Variants in R3HDM2 observed in about 807,000 individuals in gnomAD.
The protein encoded by R3HDM2 is R3H domain-containing protein 2.
Under a neutral mutation model 124.5 loss-of-function variants are expected in R3HDM2, and 38 were observed. The observed-to-expected ratio is 0.31, with a 90% CI of 0.24 to 0.40. The LOEUF (loss-of-function observed/expected upper bound fraction) is 0.40. Ranked by LOEUF, R3HDM2 falls within the 10% of genes least tolerant of loss-of-function variation. R3HDM2 has a pLI of 1.00. For synonymous variants in R3HDM2, 391 were observed against 448.0 expected (o/e 0.87, Z 1.61); for missense variants, 869 against 1,236.9 (o/e 0.70, Z 4.46).
chr12:57,273,293 C>T (rs2043986271), intron 14 of R3HDM2, among the ~76,000 whole-genome samples: 1 of 151,134 alleles, frequency 6.6e-6, no homozygotes, highest in Non-Finnish European at 1.5e-5. Flanking sequence ...CCCTTCAGTC[C>T]CCCTTCACTA....
At chr12:57,339,277 G>GT (rs1031399100) in intron 2 of R3HDM2, among the ~76,000 whole-genome samples, 28 of 152,244 alleles carry the variant, frequency 1.8e-4, no homozygotes, top group Admixed American at 1.7e-3. Flanking sequence ...GATTACAGGT[G>GT]TAAGCCACTA....
At position 57,429,224 on chromosome 12, in the gene R3HDM2, G is replaced by GA. The variant is rs140816019; in HGVS notation, c.-106+1495dup. Among the ~76,000 whole-genome samples, 1,050 of 148,916 alleles carry GA rather than the reference G, an allele frequency of 7.1e-3. 19 individuals are homozygous for GA. In the East Asian group the frequency reaches 0.074, roughly 10 times the overall value. On this transcript the variant is annotated intron_variant, in intron 1 of 23. Transcript: ENST00000402412. ...CAACATAGCAAGATCCCATCCCTAC[G>GA]AAAAAAAAATTGTGAAGCTCTACTA...
At position 57,296,962 on chromosome 12, in the gene R3HDM2, C is replaced by G; in HGVS notation, c.560+366G>C. ...TCCCAGCTACTCAATGGCTGAGGCA[C>G]AAGAATCACTTGAACCCAGGAGGCA... On this transcript the variant is annotated intron_variant, in intron 8 of 23. Coordinates refer to ENST00000402412, the MANE Select transcript of R3HDM2 (RefSeq NM_001394031.1). This position sits in a 1 kb window ranked among gnomAD's most constrained non-coding sequence, Gnocchi z 4.5. 2 of 218,110 alleles carry G rather than the reference C, an allele frequency of 9.2e-6. No homozygotes were observed. Among genetic ancestry groups the G allele is most frequent in the Non-Finnish European group, 1.8e-5 (2 of 110,056 alleles). 13.5% of individuals were successfully genotyped at this position (218,110 alleles called of 1,614,324 possible). A position where few individuals can be genotyped will look rare whatever the true frequency, so the allele number is the denominator to read the frequency against.
chr12:57,400,253 T>TA (rs981345419), intron 1 of R3HDM2, among the ~76,000 whole-genome samples: 3 of 152,032 alleles, frequency 2.0e-5, no homozygotes, highest in African/African-American at 7.2e-5. Flanking sequence ...TATGCAGCCA[T>TA]AAAAAAATGA....
At chr12:57,331,310 C>G (rs1762171678) in intron 2 of R3HDM2, among the ~76,000 whole-genome samples, 1 of 152,184 alleles carries the variant, frequency 6.6e-6, no homozygotes, top group African/African-American at 2.4e-5. Context: ...AAATGATCTA[C>G]AAGACCTTAA....
intron 2 of R3HDM2, among the ~76,000 whole-genome samples, chr12:57,321,476 C>T (rs1323725883): frequency 3.3e-5 from 5 of 151,990 alleles, no homozygotes; most frequent in Admixed American, 2.0e-4. Flanking sequence ...CATGGTGAAA[C>T]CCCGTCTCTA....
chr12:57,338,447 A>G (rs1235300892), intron 2 of R3HDM2, among the ~76,000 whole-genome samples: 1 of 152,224 alleles, frequency 6.6e-6, no homozygotes, highest in East Asian at 1.9e-4. Flanking sequence ...CTTTGTTTCC[A>G]TATTAGTACA....
intron 11 of R3HDM2, among the ~76,000 whole-genome samples, chr12:57,290,773 T>C (rs1375763403): frequency 6.6e-6 from 1 of 152,042 alleles, no homozygotes; most frequent in Non-Finnish European, 1.5e-5. Context: ...CCACCATGCC[T>C]GGCTAATTTT....
intron 1 of R3HDM2, among the ~76,000 whole-genome samples, chr12:57,430,187 C>T (rs1050336411): frequency 6.6e-6 from 1 of 152,124 alleles, no homozygotes; most frequent in African/African-American, 2.4e-5. Context: ...GTTAGCTCTA[C>T]GGGAAAACGA....
chr12:57,404,930 T>TA (rs1220852536), intron 1 of R3HDM2, among the ~76,000 whole-genome samples: 1 of 152,074 alleles, frequency 6.6e-6, no homozygotes, highest in Non-Finnish European at 1.5e-5. Flanking sequence ...GAGACAAAGA[T>TA]ACCCACCCAC....
intron 2 of R3HDM2, among the ~76,000 whole-genome samples, chr12:57,338,574 T>G (rs987035852): frequency 6.6e-6 from 1 of 152,182 alleles, no homozygotes; most frequent in Non-Finnish European, 1.5e-5. Flanking sequence ...GCATTTTTGG[T>G]AGAGACGAGG....
intron 1 of R3HDM2, among the ~76,000 whole-genome samples, chr12:57,417,126 C>G (rs1481565272): frequency 6.7e-6 from 1 of 148,418 alleles, no homozygotes; most frequent in African/African-American, 2.5e-5. Flanking sequence ...TCAACAACAA[C>G]AAAAACAAAA....
intron 2 of R3HDM2, among the ~76,000 whole-genome samples, chr12:57,365,041 T>A (rs1365453898): frequency 2.0e-5 from 3 of 150,000 alleles, no homozygotes; most frequent in African/African-American, 7.4e-5. Flanking sequence ...GGCAGGTGGA[T>A]CACCTGAGGT....
intron 2 of R3HDM2, among the ~76,000 whole-genome samples, chr12:57,364,200 T>C (rs570146412): frequency 5.8e-4 from 81 of 138,518 alleles, no homozygotes; most frequent in East Asian, 6.7e-4. Flanking sequence ...CAGGTTGGAG[T>C]GCAGTGGTGC....
At chr12:57,348,134 C>G (rs1008244081) in intron 2 of R3HDM2, among the ~76,000 whole-genome samples, 3 of 152,126 alleles carry the variant, frequency 2.0e-5, no homozygotes, top group Admixed American at 2.0e-4. Context: ...AAGTGAGAAA[C>G]AGAAATCAGC....
chr12:57,366,093 TA>T (rs1198252068), intron 2 of R3HDM2, among the ~76,000 whole-genome samples: 8 of 152,322 alleles, frequency 5.3e-5, no homozygotes, highest in African/African-American at 1.9e-4. Flanking sequence ...CAATTACACA[TA>T]TTTTTAGACT....
rs1468452275 is a variant in R3HDM2, at chr12:57,254,986, C to T, written c.2760G>A (p.Leu920=). ...KIQWLKDAQG[L]PGGGGGDNSG... ...TGTTGTCCCCCCCACCCCCTCCAGG[C>T]AGCCCCTGAGCATCCTTGAGCCACT... Residue 920 remains leucine, a synonymous_variant, in exon 24 of 24, where the codon CTG becomes CTA. Transcript: ENST00000402412. 3.1e-6 allele frequency: 5 copies of T among 1,613,794 alleles called. No homozygotes were observed. Among genetic ancestry groups the T allele is most frequent in the Non-Finnish European group, 4.2e-6 (5 of 1,179,828 alleles).
chr12:57,336,764 T>C (rs979116402), intron 2 of R3HDM2, among the ~76,000 whole-genome samples: 13 of 150,716 alleles, frequency 8.6e-5, no homozygotes, highest in East Asian at 1.9e-4. Flanking sequence ...ACCCCTGTGA[T>C]ACATGTTTAC....
chr12:57,347,391 C>G (rs1165023880), intron 2 of R3HDM2, among the ~76,000 whole-genome samples: 1 of 151,856 alleles, frequency 6.6e-6, no homozygotes, highest in Non-Finnish European at 1.5e-5. Context: ...AAAACCTATA[C>G]AAAAAGATAT....
Sources: allele counts gnomAD v4.1 joint callset (sites outside exome capture counted in the v4.1 genomes callset), GRCh38; gene constraint gnomAD v4.1.1; non-coding constraint Gnocchi (gnomAD v3.1); transcripts MANE v1.5; gene names NCBI Gene and HGNC (gene_info 2026-07-23, HGNC 2026-07-21).